Variants in CACNB2 observed in about 807,000 individuals in gnomAD.
CACNB2 encodes the protein calcium voltage-gated channel auxiliary subunit beta 2.
CACNB2 carries 42 observed loss-of-function variants against 73.3 expected under a neutral mutation model. The observed-to-expected ratio is 0.57, with a 90% CI of 0.45 to 0.74. The LOEUF is 0.74. Among genes scored for constraint, CACNB2 ranks in the 30% least tolerant of loss-of-function variants. The pLI is 0.00. For synonymous variants in CACNB2, 348 were observed against 310.3 expected (o/e 1.12, Z -1.28); for missense variants, 940 against 853.0 (o/e 1.10, Z -1.27).
chr10:18,193,051 T>A (rs1315608049), intron 2 of CACNB2, among the ~76,000 whole-genome samples: 1 of 152,192 alleles, frequency 6.6e-6, no homozygotes, highest in Non-Finnish European at 1.5e-5. Flanking sequence ...TATTTACAAT[T>A]CATATATAAT....
intron 2 of CACNB2, among the ~76,000 whole-genome samples, chr10:18,273,430 C>T (rs748504483): frequency 1.3e-5 from 2 of 151,806 alleles, no homozygotes; most frequent in East Asian, 3.9e-4. Flanking sequence ...AGATAAAAAC[C>T]GCATTTTTTT....
chr10:18,170,962 G>A (rs1389063783), intron 2 of CACNB2, among the ~76,000 whole-genome samples: 1 of 152,202 alleles, frequency 6.6e-6, no homozygotes, highest in Non-Finnish European at 1.5e-5. Flanking sequence ...TTCAATGGAA[G>A]AGAAGATTCA....
chr10:18,175,444 CA>C (rs201861354), intron 2 of CACNB2, among the ~76,000 whole-genome samples: 1,817 of 152,264 alleles, frequency 0.012, 42 homozygotes, highest in African/African-American at 0.042. Flanking sequence ...AGAATAAAAA[CA>C]TGCACAATTT....
intron 2 of CACNB2, among the ~76,000 whole-genome samples, chr10:18,185,249 A>T (rs1324003121): frequency 6.6e-6 from 1 of 152,220 alleles, no homozygotes; most frequent in Non-Finnish European, 1.5e-5. Context: ...CATAAACCTT[A>T]AAATTCACCT....
chr10:18,304,617 A>G (rs1366125850), intron 2 of CACNB2, among the ~76,000 whole-genome samples: 4 of 152,122 alleles, frequency 2.6e-5, no homozygotes, highest in Non-Finnish European at 5.9e-5. Flanking sequence ...GGGAAACACC[A>G]AGGCAAGGAA....
chr10:18,395,486 A>G (rs573543009), intron 2 of CACNB2, among the ~76,000 whole-genome samples: 2 of 152,122 alleles, frequency 1.3e-5, no homozygotes, highest in Non-Finnish European at 2.9e-5. Context: ...ATTAAGTTTC[A>G]TGACAGAAAG....
At chr10:18,163,090 T>G (rs2131102476) in intron 2 of CACNB2, among the ~76,000 whole-genome samples, 1 of 152,254 alleles carries the variant, frequency 6.6e-6, no homozygotes, top group East Asian at 1.9e-4. Context: ...GCTTACAGCA[T>G]ACACAGAGGT....
At chr10:18,207,898 A>G (rs1182120293) in intron 2 of CACNB2, among the ~76,000 whole-genome samples, 1 of 152,222 alleles carries the variant, frequency 6.6e-6, no homozygotes, top group African/African-American at 2.4e-5. Context: ...AAAAGGAGTT[A>G]TCATTGTACC....
chr10:18,351,964 T>A (rs1490599424), intron 2 of CACNB2, among the ~76,000 whole-genome samples: 2 of 152,170 alleles, frequency 1.3e-5, no homozygotes, highest in Non-Finnish European at 2.9e-5. Flanking sequence ...TGTTCTACAC[T>A]CCTGCTGCTC....
intron 2 of CACNB2, among the ~76,000 whole-genome samples, chr10:18,392,460 G>A (rs1042534276): frequency 6.6e-6 from 1 of 152,088 alleles, no homozygotes; most frequent in Admixed American, 6.6e-5. Context: ...TGGAGTGGTA[G>A]GAGGAATAGG....
intron 2 of CACNB2, among the ~76,000 whole-genome samples, chr10:18,243,349 T>C (rs1003959989): frequency 6.6e-6 from 1 of 152,100 alleles, no homozygotes; most frequent in East Asian, 1.9e-4. Flanking sequence ...CCAGGTAAGT[T>C]GGAGAATTTT....
At chr10:18,213,488 A>G (rs930544332) in intron 2 of CACNB2, among the ~76,000 whole-genome samples, 3 of 152,216 alleles carry the variant, frequency 2.0e-5, no homozygotes, top group African/African-American at 7.2e-5. Flanking sequence ...ATGATGCCAG[A>G]AAGTCATGTT....
intron 3 of CACNB2, among the ~76,000 whole-genome samples, chr10:18,405,981 A>T (rs192706100): frequency 1.2e-3 from 183 of 150,228 alleles, no homozygotes; most frequent in African/African-American, 3.9e-3. Context: ...CAAACAAAAA[A>T]CGATGGACTC....
chr10:18,501,850 C>T (rs2050208954), intron 5 of CACNB2, among the ~76,000 whole-genome samples: 1 of 152,128 alleles, frequency 6.6e-6, no homozygotes, highest in Non-Finnish European at 1.5e-5. Context: ...CACCCATCCT[C>T]ATTAACTGGC....
intron 13 of CACNB2, among the ~76,000 whole-genome samples, chr10:18,539,020 T>C (rs1164254475): frequency 6.6e-6 from 1 of 151,924 alleles, no homozygotes; most frequent in African/African-American, 2.4e-5. Context: ...ATGGGCACTG[T>C]TCTAGGCACT....
chr10:18,141,572 C>G (rs762789056), intron 1 of CACNB2, among the ~76,000 whole-genome samples: 1 of 149,702 alleles, frequency 6.7e-6, no homozygotes, highest in Non-Finnish European at 1.5e-5. Flanking sequence ...CCTTTCTCTC[C>G]GTTGAGTGTT....
chr10:18,247,844 T>G (rs2036928223), intron 2 of CACNB2, among the ~76,000 whole-genome samples: 1 of 152,196 alleles, frequency 6.6e-6, no homozygotes, highest in Non-Finnish European at 1.5e-5. Context: ...AAACCATGAT[T>G]TCATTCTGAA....
At chr10:18,351,939 A>G (rs376480139) in intron 2 of CACNB2, among the ~76,000 whole-genome samples, 9 of 152,306 alleles carry the variant, frequency 5.9e-5, no homozygotes, top group East Asian at 3.9e-4. Context: ...ATATATAGAC[A>G]TAGAGAATTT....
At chr10:18,184,970 G>C (rs1296779083) in intron 2 of CACNB2, among the ~76,000 whole-genome samples, 1 of 152,086 alleles carries the variant, frequency 6.6e-6, no homozygotes, top group Non-Finnish European at 1.5e-5. Flanking sequence ...CTCCTGAGTA[G>C]CTGGGACTAC....
Sources: gnomAD v4.1 joint callset for allele counts (sites outside exome capture counted in the v4.1 genomes callset) on GRCh38, gnomAD v4.1.1 for gene constraint, MANE v1.5 for transcripts, NCBI Gene and HGNC (gene_info 2026-07-23, HGNC 2026-07-21) for gene names.